MAP2: variants seen among roughly 807,000 people sequenced by gnomAD.
MAP2 encodes microtubule-associated protein 2.
In MAP2, 14 loss-of-function variants were observed where a neutral mutation model predicts 137.6. The ratio of observed to expected loss-of-function variants is 0.10; its 90% CI spans 0.07 to 0.16. The LOEUF is 0.16. Ranked by LOEUF, MAP2 falls within the 10% of genes least tolerant of loss-of-function variation. MAP2 has a pLI of 1.00. For missense variants in MAP2, 2,088 were observed against 2,191.5 expected (o/e 0.95, Z 0.94); for synonymous variants, 786 against 782.3 (o/e 1.00, Z -0.08).
At chr2:209,489,110 C>G (rs567805046) in intron 1 of MAP2, among the ~76,000 whole-genome samples, 5 of 152,360 alleles carry the variant, frequency 3.3e-5, no homozygotes, top group Non-Finnish European at 7.3e-5. Flanking sequence ...GCAATCTTTA[C>G]TGTCCTGCAA....
At chr2:209,436,559 T>C (rs947931675) in intron 1 of MAP2, among the ~76,000 whole-genome samples, 31 of 151,766 alleles carry the variant, frequency 2.0e-4, no homozygotes, top group African/African-American at 7.2e-4. Flanking sequence ...AGAAAATGGC[T>C]TTGAAATTAT....
At chr2:209,594,503 A>G (rs1269648831) in intron 3 of MAP2, among the ~76,000 whole-genome samples, 2 of 152,050 alleles carry the variant, frequency 1.3e-5, no homozygotes, top group Non-Finnish European at 2.9e-5. Context: ...TATTAACAAA[A>G]CACGTTTCCC....
At chr2:209,660,269 C>T (rs948892029) in intron 5 of MAP2, among the ~76,000 whole-genome samples, 1 of 151,976 alleles carries the variant, frequency 6.6e-6, no homozygotes, top group African/African-American at 2.4e-5. Context: ...GTCACTTTTT[C>T]AGGGAGCTCA....
At chr2:209,500,881 A>G (rs2060290013) in intron 1 of MAP2, among the ~76,000 whole-genome samples, 2 of 151,962 alleles carry the variant, frequency 1.3e-5, no homozygotes, top group Non-Finnish European at 2.9e-5. Context: ...CCAAAAAAAT[A>G]GAAAAATTAG....
intron 2 of MAP2, among the ~76,000 whole-genome samples, chr2:209,551,182 A>G (rs1297673261): frequency 6.6e-6 from 1 of 152,152 alleles, no homozygotes; most frequent in African/African-American, 2.4e-5. Context: ...TATTAATGCT[A>G]TATTTAAGCC....
Position 209,695,700 on chromosome 2 carries a change from C to T in MAP2, c.3530C>T (p.Pro1177Leu). The T allele has an allele frequency of 6.2e-7, 1 of 1,614,062 alleles. No individual in the cohort carries two copies. Among genetic ancestry groups the T allele is most frequent in the Non-Finnish European group, 8.5e-7 (1 of 1,180,008 alleles). The change falls in exon 8 of 16, where the codon CCT (proline) becomes CTT (leucine). Residue 1177 changes from proline to leucine, a missense_variant. Transcript: ENST00000682079. ...TTGTCAGTGGAAATACCTTGCCCAC[C>T]TGCTGTTTCAGAGGCTGATTTAGCC... is the stretch of plus-strand genomic sequence containing the variant. ...VKLSVEIPCP[P>L]AVSEADLATD... is the part of the protein sequence containing the mutation.
chr2:209,662,676 C>T (rs931665267), intron 5 of MAP2, among the ~76,000 whole-genome samples: 1 of 151,712 alleles, frequency 6.6e-6, no homozygotes, highest in East Asian at 1.9e-4. Flanking sequence ...TAAAACAATT[C>T]TTAAATTCTT....
chr2:209,624,456 T>TACC (rs1389153093), intron 3 of MAP2, among the ~76,000 whole-genome samples: 1 of 152,198 alleles, frequency 6.6e-6, no homozygotes, highest in Non-Finnish European at 1.5e-5. Flanking sequence ...TGTTTATTTC[T>TACC]ACATACCACT....
chr2:209,435,003 G>A (rs900768881), intron 1 of MAP2, among the ~76,000 whole-genome samples: 8 of 147,042 alleles, frequency 5.4e-5, no homozygotes, highest in Non-Finnish European at 4.5e-5. Context: ...ATTCTGAATA[G>A]TATTCTTGGA....
intron 4 of MAP2, among the ~76,000 whole-genome samples, chr2:209,639,935 C>T (rs1352745808): frequency 1.3e-5 from 2 of 152,050 alleles, no homozygotes; most frequent in Non-Finnish European, 2.9e-5. Flanking sequence ...GAACCTCTGA[C>T]CCAGAGTGAG....
chr2:209,658,653 C>T (rs1038235445), intron 5 of MAP2, among the ~76,000 whole-genome samples: 2 of 151,888 alleles, frequency 1.3e-5, no homozygotes, highest in Non-Finnish European at 1.5e-5. Flanking sequence ...ATTACAGGCG[C>T]CTGCCACCAG....
intron 7 of MAP2, among the ~76,000 whole-genome samples, chr2:209,686,901 T>C (rs763875006): frequency 6.6e-6 from 1 of 152,162 alleles, no homozygotes; most frequent in Non-Finnish European, 1.5e-5. Context: ...AATTTTTAGC[T>C]AATTGTATCT....
intron 13 of MAP2, among the ~76,000 whole-genome samples, chr2:209,712,319 G>A (rs1037837447): frequency 3.9e-5 from 6 of 152,096 alleles, no homozygotes; most frequent in Non-Finnish European, 8.8e-5. Context: ...AGAGATTATG[G>A]TGGTTAAGGA....
chr2:209,465,911 C>T (rs1704020379), intron 1 of MAP2, among the ~76,000 whole-genome samples: 1 of 152,110 alleles, frequency 6.6e-6, no homozygotes, highest in Admixed American at 6.6e-5. Flanking sequence ...GATCAAGGCC[C>T]AGATCTTCCT....
intron 1 of MAP2, among the ~76,000 whole-genome samples, chr2:209,462,930 T>C (rs1171212351): frequency 6.6e-6 from 1 of 152,124 alleles, no homozygotes; most frequent in African/African-American, 2.4e-5. Flanking sequence ...AAAAGAGATT[T>C]TTCTGTAATT....
chr2:209,474,607 A>G (rs1706695067), intron 1 of MAP2, among the ~76,000 whole-genome samples: 1 of 152,058 alleles, frequency 6.6e-6, no homozygotes, highest in Non-Finnish European at 1.5e-5. Flanking sequence ...GGAGAAGTAT[A>G]TTATATATGA....
chr2:209,539,243 AG>A, intron 2 of MAP2, among the ~76,000 whole-genome samples: 1 of 152,350 alleles, frequency 6.6e-6, no homozygotes, highest in Non-Finnish European at 1.5e-5. Context: ...CCAAGTATAA[AG>A]ACCAAAGTAA....
intron 2 of MAP2, among the ~76,000 whole-genome samples, chr2:209,555,483 A>G (rs943377179): frequency 6.6e-6 from 1 of 152,184 alleles, no homozygotes; most frequent in Non-Finnish European, 1.5e-5. Flanking sequence ...ACTGTTTATT[A>G]AGGCTTATGA....
intron 1 of MAP2, among the ~76,000 whole-genome samples, chr2:209,472,113 G>A (rs1705894041): frequency 6.6e-6 from 1 of 151,956 alleles, no homozygotes; most frequent in Non-Finnish European, 1.5e-5. Flanking sequence ...GTATATATGA[G>A]GTTTACAACG....
Sources: allele counts gnomAD v4.1 joint callset (sites outside exome capture counted in the v4.1 genomes callset), GRCh38; gene constraint gnomAD v4.1.1; transcripts MANE v1.5; gene names NCBI Gene and HGNC (gene_info 2026-07-23, HGNC 2026-07-21).